Variants in PRKG1 observed in about 807,000 individuals in gnomAD.
The protein encoded by PRKG1 is protein kinase cGMP-dependent 1, also known as cGMP-dependent protein kinase 1.
PRKG1 carries 35 observed loss-of-function variants against 88.1 expected under a neutral mutation model. The ratio of observed to expected loss-of-function variants is 0.40; its 90% CI spans 0.30 to 0.53. The LOEUF (loss-of-function observed/expected upper bound fraction) is 0.53, where lower values mean the gene tolerates loss of function less well. Among genes scored for constraint, PRKG1 ranks in the 20% least tolerant of loss-of-function variants. The pLI is 0.59. For synonymous variants in PRKG1, 303 were observed against 292.5 expected (o/e 1.04, Z -0.37); for missense variants, 540 against 839.8 (o/e 0.64, Z 4.41).
chr10:51,491,613 T>C (rs1840709781), intron 3 of PRKG1, among the ~76,000 whole-genome samples: 1 of 152,112 alleles, frequency 6.6e-6, no homozygotes, highest in Non-Finnish European at 1.5e-5. Context: ...CAGTACTTTG[T>C]TGAGCTGCCT....
intron 3 of PRKG1, among the ~76,000 whole-genome samples, chr10:51,756,681 G>T (rs551367647): frequency 3.3e-5 from 5 of 151,848 alleles, no homozygotes; most frequent in South Asian, 2.1e-4. Context: ...CAGGCATGGT[G>T]GGGGGCACCT....
At chr10:52,211,735 T>C (rs1371100807) in intron 9 of PRKG1, among the ~76,000 whole-genome samples, 1 of 149,374 alleles carries the variant, frequency 6.7e-6, no homozygotes, top group African/African-American at 2.5e-5. Flanking sequence ...AATTCAATAA[T>C]TGGTTAGTAA....
intron 1 of PRKG1, among the ~76,000 whole-genome samples, chr10:51,020,360 T>C (rs1206371073): frequency 1.3e-5 from 2 of 152,092 alleles, no homozygotes; most frequent in Non-Finnish European, 2.9e-5. Context: ...ACAGAGTCTC[T>C]AAGAGACGTG....
In PRKG1 at chr10:51,049,424, G is replaced by T. The variant is rs570446452; in HGVS notation, c.266+57780G>T. On this transcript the variant is annotated intron_variant, in intron 1 of 17. Transcript: ENST00000401604. ...AAACAATTTTTAATGCAGAGTATTT[G>T]AGTAAAGCTACTGATTTGGGGGAAT... Among the ~76,000 whole-genome samples the T allele has an allele frequency of 2.0e-5, 3 of 152,274 alleles. No individual in the cohort carries two copies. In the South Asian group the frequency reaches 6.2e-4, roughly 32 times the overall value.
At chr10:52,283,699 C>T (rs1018127617) in intron 14 of PRKG1, among the ~76,000 whole-genome samples, 2 of 151,616 alleles carry the variant, frequency 1.3e-5, no homozygotes, top group Admixed American at 6.6e-5. Context: ...AAAAGTATGA[C>T]CAATTAAGTA....
rs370872442 is a variant in PRKG1 at position 51,919,712 on chromosome 10, A to T, written c.762+12142A>T. Among the ~76,000 whole-genome samples the T allele has an allele frequency of 5.2e-4, 79 of 150,794 alleles. 1 individual carries two copies. In the East Asian group the frequency reaches 0.014, roughly 27 times the overall value. On this transcript the variant is annotated intron_variant, in intron 5 of 17. Transcript: ENST00000373980. ...AAAGTGGCTTACCCTGACTAATTCT[A>T]CTCTATCCTGTTTGTTGTTTTCTTA...
chr10:51,856,000 T>G (rs1169597938), intron 4 of PRKG1, among the ~76,000 whole-genome samples: 1 of 152,202 alleles, frequency 6.6e-6, no homozygotes, highest in East Asian at 1.9e-4. Context: ...CCAGGGAAGA[T>G]CTGTTCCTTT....
At chr10:51,949,051 GTC>G (rs1843123748) in intron 5 of PRKG1, among the ~76,000 whole-genome samples, 1 of 152,088 alleles carries the variant, frequency 6.6e-6, no homozygotes, top group Admixed American at 6.5e-5. Flanking sequence ...TCTTCTGCAT[GTC>G]CAACACTTTA....
At chr10:51,392,160 T>C (rs1837420574) in intron 2 of PRKG1, among the ~76,000 whole-genome samples, 1 of 151,872 alleles carries the variant, frequency 6.6e-6, no homozygotes, top group Non-Finnish European at 1.5e-5. Context: ...AATTGATCAT[T>C]CTTGGGTGTT....
intron 9 of PRKG1, among the ~76,000 whole-genome samples, chr10:52,183,398 T>C (rs1454857515): frequency 6.6e-6 from 1 of 152,206 alleles, no homozygotes; most frequent in Non-Finnish European, 1.5e-5. Context: ...TGTCAGCTGT[T>C]CTGTGGCACA....
intron 3 of PRKG1, among the ~76,000 whole-genome samples, chr10:51,508,800 T>G (rs191995009): frequency 6.6e-6 from 1 of 152,156 alleles, no homozygotes; most frequent in African/African-American, 2.4e-5. Flanking sequence ...CTGACCAAAT[T>G]AGAAGGCATT....
intron 2 of PRKG1, among the ~76,000 whole-genome samples, chr10:51,196,227 A>T (rs1252211902): frequency 6.6e-6 from 1 of 152,198 alleles, no homozygotes; most frequent in African/African-American, 2.4e-5. Context: ...AGTTAGTTTT[A>T]TCAACTATGT....
chr10:51,874,535 G>A (rs955830505), intron 4 of PRKG1, among the ~76,000 whole-genome samples: 1 of 152,154 alleles, frequency 6.6e-6, no homozygotes, highest in East Asian at 1.9e-4. Context: ...AATTTGAAAT[G>A]TTCGTGCTTT....
chr10:51,076,480 C>T (rs1843955638), intron 1 of PRKG1, among the ~76,000 whole-genome samples: 1 of 152,220 alleles, frequency 6.6e-6, no homozygotes, highest in Non-Finnish European at 1.5e-5. Flanking sequence ...TCAAAGACAG[C>T]TCTCTGCATC....
chr10:51,152,612 A>G (rs1172454814), intron 1 of PRKG1, among the ~76,000 whole-genome samples: 1 of 152,058 alleles, frequency 6.6e-6, no homozygotes, highest in Non-Finnish European at 1.5e-5. Context: ...GACACTGGGC[A>G]TAAAATAAAG....
intron 2 of PRKG1, among the ~76,000 whole-genome samples, chr10:51,392,862 A>T (rs1588909216): frequency 9.6e-6 from 1 of 104,546 alleles, no homozygotes. Context: ...CTGGGGGCTG[A>T]CCCCCCCACC....
At chr10:51,476,230 C>T (rs1306949081) in intron 3 of PRKG1, among the ~76,000 whole-genome samples, 2 of 151,932 alleles carry the variant, frequency 1.3e-5, no homozygotes, top group Non-Finnish European at 2.9e-5. Context: ...CGGAGGCCTA[C>T]AGTATTGAAG....
chr10:51,065,961 GTTTT>G (rs1035667810), intron 1 of PRKG1, among the ~76,000 whole-genome samples: 1 of 151,982 alleles, frequency 6.6e-6, no homozygotes, highest in African/African-American at 2.4e-5. Context: ...ATCAGAGAGA[GTTTT>G]TTTAGGGAAG....
rs183121731 is a variant in PRKG1, at chr10:51,530,685, G to T, written c.592+62849G>T. The stretch of plus-strand genomic sequence containing the variant: ...TTGCCTGGGTCCCATGTGCCTTAAT[G>T]CATCACACAAACTTTTCCATCTCCA... On this transcript the variant is annotated intron_variant, in intron 3 of 17. Transcript: ENST00000373980. Among the ~76,000 whole-genome samples, 122 of 152,218 alleles carry T rather than the reference G, an allele frequency of 8.0e-4. 1 individual carries two copies. Among genetic ancestry groups the T allele is most frequent in the African/African-American group, 2.8e-3 (116 of 41,520 alleles).
Sources: allele counts gnomAD v4.1 joint callset (sites outside exome capture counted in the v4.1 genomes callset), GRCh38; gene constraint gnomAD v4.1.1; transcripts MANE v1.5; gene names NCBI Gene and HGNC (gene_info 2026-07-23, HGNC 2026-07-21).